Variants in CATSPERG observed in about 807,000 individuals in gnomAD.
CATSPERG encodes the protein catsper channel auxiliary subunit gamma.
CATSPERG carries 115 observed loss-of-function variants against 145.0 expected under a neutral mutation model. The ratio of observed to expected loss-of-function variants is 0.79; its 90% CI spans 0.68 to 0.93. The LOEUF is 0.93. CATSPERG is among the 40% of genes least tolerant of loss of function. The probability of loss-of-function intolerance (pLI) is 0.00; values close to 1 mark genes in which losing one functional copy is unlikely to be tolerated. For missense variants in CATSPERG, 1,296 were observed against 1,490.1 expected, an observed-to-expected ratio of 0.87 and a Z score of 2.14; for synonymous variants, 588 against 589.0, an observed-to-expected ratio of 1.00 and a Z score of 0.02.
Position 38,343,825 on chromosome 19 carries a change from G to A in CATSPERG, c.469+101G>A, listed in dbSNP as rs117843309. The A allele has an allele frequency of 7.0e-5, 99 of 1,423,644 alleles. No individual in the cohort carries two copies. In the East Asian group the frequency reaches 8.7e-4, roughly 13 times the overall value. The allele number at this position is 1,423,644 out of a possible 1,614,324, so 88.2% of individuals were successfully genotyped here. ...GATCTGAGGAGGGTATGTGGGGGGC[G>A]GGAGCTCAGCACATTCCATGGCCTA... is the stretch of plus-strand genomic sequence containing the variant. On this transcript the variant is annotated intron_variant, in intron 4 of 28. Transcript: ENST00000409235.
chr19:38,360,667 G>A lies in CATSPERG; in HGVS notation c.1767+20G>A, dbSNP rs768308852. The A allele has an allele frequency of 6.1e-5, 98 of 1,614,000 alleles. 1 individual carries two copies. In the South Asian group the frequency reaches 9.9e-4, roughly 16 times the overall value. On this transcript the variant is annotated intron_variant, in intron 15 of 28. Coordinates refer to ENST00000409235, the MANE Select transcript of CATSPERG (RefSeq NM_021185.5). ...TACCAGGTGCCCGGTGGAGCTATGC[G>A]GGGACATCGGGGCACCCCAGGAGGG...
intron 16 of CATSPERG, among the ~76,000 whole-genome samples, chr19:38,361,418 C>T (rs1970342169): frequency 6.6e-6 from 1 of 151,960 alleles, no homozygotes; most frequent in Admixed American, 6.6e-5. Context: ...AGTGGACAGG[C>T]AGATGGCGAC....
Position 38,344,346 on chromosome 19 carries a change from T to G in CATSPERG, c.647T>G (p.Ile216Ser). ...GFLKRDRDNNIQFTVGEELFN... is the reference protein window; with the variant it reads ...GFLKRDRDNNSQFTVGEELFN... The stretch of plus-strand genomic sequence containing the variant: ...CTGAAGAGAGACCGGGACAATAACA[T>G]CCAATTCACTGTGGGAGAGGAGGTG... Residue 216 changes from isoleucine (I) to serine (S), a missense_variant, in exon 6 of 29, where the codon ATC becomes AGC. Physicochemically the swap from Ile to Ser is moderately radical, Grantham distance 142. Transcript: ENST00000409235. 6.4e-7 allele frequency: 1 copy of G among 1,551,628 alleles called. No individual in the cohort carries two copies. The highest frequency in any genetic ancestry group is 8.7e-7 in the Non-Finnish European group (1 of 1,146,936).
Position 38,359,578 on chromosome 19 carries a change from G to A in CATSPERG, c.1605G>A (p.Glu535=). The change falls in exon 14 of 29, where the codon GAG becomes GAA. Residue 535 remains glutamate, a synonymous_variant. Transcript: ENST00000409235. ...RGAVAIVTET[E]EIWYLLEGSY... ...CTGTGGCTATTGTCACAGAGACGGA[G>A]GAGGTGGGCTGCCCCGCCCCTCTCC... The A allele has an allele frequency of 1.2e-6, 2 of 1,612,006 alleles. No homozygotes were observed. The highest frequency in any genetic ancestry group is 1.7e-6 in the Non-Finnish European group (2 of 1,179,106).
chr19:38,344,328 G>C lies in CATSPERG; in HGVS notation c.629G>C (p.Arg210Thr). 3 of 1,551,822 alleles carry C rather than the reference G, an allele frequency of 1.9e-6. No individual in the cohort carries two copies. Among genetic ancestry groups the C allele is most frequent in the Non-Finnish European group, 2.6e-6 (3 of 1,146,998 alleles). ...FQMNINGFLKRDRDNNIQFTV... is the reference protein window; with the variant it reads ...FQMNINGFLKTDRDNNIQFTV... ...ATGAATATCAACGGCTTCCTGAAGAGAGACCGGGACAATAACATCCAATTC... is the reference window on the plus strand; with the variant it reads ...ATGAATATCAACGGCTTCCTGAAGACAGACCGGGACAATAACATCCAATTC... Residue 210 changes from arginine (R) to threonine (T), a missense_variant, in exon 6 of 29, where the codon AGA becomes ACA. Arg to Thr is a moderately conservative substitution (Grantham distance 71). Coordinates refer to ENST00000409235, the MANE Select transcript of CATSPERG (RefSeq NM_021185.5).
Position 38,343,632 on chromosome 19 carries a change from T to A in CATSPERG, c.377T>A (p.Val126Glu). The part of the protein sequence containing the change: ...MGHLTGLKPL[V>E]LVTFQSPVNF... ...CACCTGACGGGGCTAAAGCCCCTGG[T>A]GCTGGTCACCTTCCAGTCCCCAGTC... Residue 126 changes from valine (V) to glutamate (E), a missense_variant, in exon 4 of 29, where the codon GTG (valine) becomes GAG (glutamate). Coordinates refer to ENST00000409235, the MANE Select transcript of CATSPERG (RefSeq NM_021185.5). 1 of 1,551,548 alleles carries A rather than the reference T, an allele frequency of 6.4e-7. No individual in the cohort carries two copies. Among genetic ancestry groups the A allele is most frequent in the Non-Finnish European group, 8.7e-7 (1 of 1,146,934 alleles).
chr19:38,352,310 GC>G lies in CATSPERG; in HGVS notation c.876del (p.Phe293SerfsTer68). 2 of 1,551,624 alleles carry G rather than the reference GC, an allele frequency of 1.3e-6. No individual in the cohort carries two copies. Among genetic ancestry groups the G allele is most frequent in the Non-Finnish European group, 1.7e-6 (2 of 1,147,102 alleles). ...WVGSFYCPHS[G>X]FTATIYDTIA... ...GGCTCCTTCTACTGCCCCCATTCTG[GC>G]TTCACAGCCACCATCTATGACACTA... On this transcript the variant is annotated frameshift_variant, in exon 8 of 29. Coordinates refer to ENST00000409235, the MANE Select transcript of CATSPERG (RefSeq NM_021185.5). LOFTEE classifies it high-confidence loss of function.
At position 38,344,295 on chromosome 19, in the gene CATSPERG, G is replaced by A; in HGVS notation, c.597-1G>A. On this transcript the variant is annotated splice_acceptor_variant, in intron 5 of 28. Transcript: ENST00000409235. LOFTEE classifies it high-confidence loss of function. ...TGCGCCTATTCTGCACCTGCTGCTAGGTTCCAGATGAATATCAACGGCTTC... is the reference window on the plus strand; with the variant it reads ...TGCGCCTATTCTGCACCTGCTGCTAAGTTCCAGATGAATATCAACGGCTTC... 2 of 1,551,716 alleles carry A rather than the reference G, an allele frequency of 1.3e-6. No homozygotes were observed. The highest frequency in any genetic ancestry group is 1.7e-6 in the Non-Finnish European group (2 of 1,146,984).
chr19:38,336,180 C>T (rs1037908189), intron 1 of CATSPERG: 1 of 454,700 alleles, frequency 2.2e-6, no homozygotes, highest in South Asian at 1.6e-5. Flanking sequence ...AAGAAGGTGT[C>T]GCGGTACGAG....
At chr19:38,367,475 C>A in intron 23 of CATSPERG, 34 bp from the exon 24 acceptor site, 1 of 1,603,876 alleles carries the variant, frequency 6.2e-7, no homozygotes, top group Non-Finnish European at 8.5e-7. Context: ...AAGCTAATTT[C>A]TTCTTCTGGT....
Position 38,367,786 on chromosome 19 carries a change from G to T in CATSPERG, c.2930+10G>T, listed in dbSNP as rs183789468. The T allele has an allele frequency of 1.2e-6, 2 of 1,611,614 alleles. No homozygotes were observed. The highest frequency in any genetic ancestry group is 1.7e-6 in the Non-Finnish European group (2 of 1,177,942). The stretch of plus-strand genomic sequence containing the variant: ...ACAGCCCCCTGGACAAGTAATCCCC[G>T]TGGGGTCCCACGTGTAATCCACCTT... On this transcript the variant is annotated intron_variant, in intron 25 of 28. Coordinates refer to ENST00000409235, the MANE Select transcript of CATSPERG (RefSeq NM_021185.5).
chr19:38,355,421 G>C (rs964254222), intron 9 of CATSPERG, among the ~76,000 whole-genome samples: 3 of 151,744 alleles, frequency 2.0e-5, no homozygotes, highest in African/African-American at 7.3e-5. Flanking sequence ...GTACAGCTGG[G>C]CACAGTGGCT....
In CATSPERG at chr19:38,361,858, C is replaced by G. The variant is rs747245722; in HGVS notation, c.2091C>G (p.Asp697Glu). 3.1e-6 allele frequency: 5 copies of G among 1,603,966 alleles called. No individual in the cohort carries two copies. Among genetic ancestry groups the G allele is most frequent in the East Asian group, 2.2e-5 (1 of 44,544 alleles). Residue 697 changes from aspartate (D) to glutamate (E), a missense_variant, in exon 17 of 29, where the codon GAC becomes GAG. Coordinates refer to ENST00000409235, the MANE Select transcript of CATSPERG (RefSeq NM_021185.5). The part of the protein sequence containing the change: ...YYLLWLHSVY[D>E]KPYADPVHDP... ...TGCTGTGGCTGCACTCCGTGTACGA[C>G]AAGGTGGGCGTCCGGCGGCGGGCGG...
chr19:38,360,487 A>C lies in CATSPERG; in HGVS notation c.1609-2A>C. The C allele has an allele frequency of 6.2e-7, 1 of 1,614,002 alleles. No homozygotes were observed. Among genetic ancestry groups the C allele is most frequent in the Non-Finnish European group, 8.5e-7 (1 of 1,179,992 alleles). On this transcript the variant is annotated splice_acceptor_variant, in intron 14 of 28. Coordinates refer to ENST00000409235, the MANE Select transcript of CATSPERG (RefSeq NM_021185.5). LOFTEE classifies it high-confidence loss of function. ...ACACACATCCGGCTGTCATACCCGC[A>C]GATCTGGTACCTCCTGGAGGGCAGC...
At chr19:38,369,594 G>A (rs910126397) in intron 26 of CATSPERG, 1 of 305,602 alleles carries the variant, frequency 3.3e-6, no homozygotes, top group Non-Finnish European at 6.5e-6. Flanking sequence ...AATAAAGAAG[G>A]GAATAAATGA....
Position 38,370,211 on chromosome 19 carries a change from ATCCACGGGCTGCCACTCAG to A in CATSPERG, c.3170_3188del (p.His1057ProfsTer19). 1 of 1,613,812 alleles carries A rather than the reference ATCCACGGGCTGCCACTCAG, an allele frequency of 6.2e-7. No individual in the cohort carries two copies. The highest frequency in any genetic ancestry group is 8.5e-7 in the Non-Finnish European group (1 of 1,180,010). On this transcript the variant is annotated frameshift_variant, in exon 28 of 29. Transcript: ENST00000409235. LOFTEE classifies it low-confidence loss of function (END_TRUNC). The stretch of plus-strand genomic sequence containing the variant: ...CTACCAGCTCACCTTCCTGCTGCAC[ATCCACGGGCTGCCACTCAG>A]TCCCAAGCGGGCCCTTTTCATCATC...
At chr19:38,343,923 G>A in intron 4 of CATSPERG, 70 bp from the exon 5 acceptor site, 1 of 1,530,036 alleles carries the variant, frequency 6.5e-7, no homozygotes, top group Non-Finnish European at 8.8e-7. Context: ...GGAGATCCCA[G>A]GGTGGTCTGG....
At position 38,354,830 on chromosome 19, in the gene CATSPERG, A is replaced by G; in HGVS notation, c.1118A>G (p.His373Arg). The change falls in exon 9 of 29, where the codon CAC (histidine) becomes CGC (arginine). Residue 373 changes from histidine to arginine, a missense_variant. Physicochemically the swap from His to Arg is conservative, Grantham distance 29 (BLOSUM62 0). Coordinates refer to ENST00000409235, the MANE Select transcript of CATSPERG (RefSeq NM_021185.5). ...LTTGKHEGYV[H>R]FGTIRDGQVS... is the part of the protein sequence containing the mutation. ...ACGGGCAAGCATGAGGGTTATGTACACTTCGGGACCATCAGAGGTAAGGGT... is the reference window on the plus strand; with the variant it reads ...ACGGGCAAGCATGAGGGTTATGTACGCTTCGGGACCATCAGAGGTAAGGGT... The G allele has an allele frequency of 1.2e-6, 2 of 1,614,110 alleles. No individual in the cohort carries two copies. The highest frequency in any genetic ancestry group is 8.5e-7 in the Non-Finnish European group (1 of 1,179,990).
chr19:38,367,627 G>C (rs975388371), intron 24 of CATSPERG, 54 bp from the exon 25 acceptor site: 82 of 1,611,218 alleles, frequency 5.1e-5, no homozygotes, highest in Non-Finnish European at 6.8e-5. Context: ...GAAGGAGATG[G>C]GTGCAGGACT....
Sources: gnomAD v4.1 joint callset for allele counts (sites outside exome capture counted in the v4.1 genomes callset) on GRCh38, gnomAD v4.1.1 for gene constraint, MANE v1.5 for transcripts, NCBI Gene and HGNC (gene_info 2026-07-23, HGNC 2026-07-21) for gene names.